Variants in ALDOA observed in about 807,000 individuals in gnomAD.
ALDOA encodes the protein aldolase, fructose-bisphosphate A, also known as fructose-bisphosphate aldolase A.
Under a neutral mutation model 43.9 loss-of-function variants are expected in ALDOA, and 26 were observed. That is an observed-to-expected ratio of 0.59 (90% CI 0.43 to 0.82). ALDOA has a LOEUF of 0.82. Ranked by LOEUF, ALDOA falls within the 40% of genes least tolerant of loss-of-function variation. ALDOA has a pLI of 0.00. For missense variants in ALDOA, 498 were observed against 549.5 expected (o/e 0.91, Z 0.94); for synonymous variants, 258 against 222.6 (o/e 1.16, Z -1.42).
At chr16:30,067,837 T>C in intron 4 of ALDOA, 176 bp downstream of exon 4, 1 of 730,902 alleles carries the variant, frequency 1.4e-6, no homozygotes, top group Non-Finnish European at 2.3e-6. Flanking sequence ...GAGAACAGTA[T>C]CATTCCCACT....
chr16:30,069,997 G>C lies in ALDOA; in HGVS notation c.1129G>C (p.Ala377Pro), dbSNP rs148828956. The C allele has an allele frequency of 6.2e-7, 1 of 1,613,736 alleles. No individual in the cohort carries two copies. The highest frequency in any genetic ancestry group is 8.5e-7 in the Non-Finnish European group (1 of 1,180,012). The change falls in exon 9 of 10, where the codon GCT (alanine) becomes CCT (proline). Residue 377 changes from alanine to proline, a missense_variant. Transcript: ENST00000642816. The stretch of plus-strand genomic sequence containing the variant: ...GGGCGGGAAGAAGGAGAACCTGAAG[G>C]CTGCGCAGGAGGAGTATGTCAAGCG... Reference protein sequence around the residue: ...AWGGKKENLKAAQEEYVKRAL... With the variant: ...AWGGKKENLKPAQEEYVKRAL...
At position 30,069,575 on chromosome 16, in the gene ALDOA, T is replaced by A. The variant is rs1567325349; in HGVS notation, c.863T>A (p.Val288Asp). Residue 288 changes from valine (V) to aspartate (D), a missense_variant, in exon 8 of 10, where the codon GTC (valine) becomes GAC (aspartate). Physicochemically the swap from Val to Asp is radical, Grantham distance 152. Coordinates refer to ENST00000642816, the MANE Select transcript of ALDOA (RefSeq NM_001243177.4). The stretch of plus-strand genomic sequence containing the variant: ...GGCACCTTGCTGAAGCCCAACATGG[T>A]CACCCCAGGCCATGCTTGCACTCAG... ...LEGTLLKPNM[V>D]TPGHACTQKF... 6.2e-7 allele frequency: 1 copy of A among 1,614,114 alleles called. No homozygotes were observed. The highest frequency in any genetic ancestry group is 8.5e-7 in the Non-Finnish European group (1 of 1,180,026).
At chr16:30,068,380 T>C (rs1411415508) in intron 4 of ALDOA, 1 of 501,536 alleles carries the variant, frequency 2.0e-6, no homozygotes, top group African/African-American at 1.9e-5. Flanking sequence ...ACTAAATATT[T>C]TAATTGTAAC....
Position 30,067,297 on chromosome 16 carries a change from G to T in ALDOA, c.205G>T (p.Glu69Ter), listed in dbSNP as rs1441238556. 2 of 1,612,760 alleles carry T rather than the reference G, an allele frequency of 1.2e-6. No homozygotes were observed. Among genetic ancestry groups the T allele is most frequent in the Non-Finnish European group, 1.7e-6 (2 of 1,180,040 alleles). ...AGCACTGACCCCGGAGCAGAAGAAGGAGCTGTCTGACATCGCTCACCGCAT... is the reference window on the plus strand; with the variant it reads ...AGCACTGACCCCGGAGCAGAAGAAGTAGCTGTCTGACATCGCTCACCGCAT... ...YPALTPEQKK[E>*]LSDIAHRIVA... The change falls in exon 3 of 10, where the codon GAG becomes TAG. Residue 69 changes from glutamate (E) to a stop codon, truncating the protein, a stop_gained. Transcript: ENST00000642816. LOFTEE classifies it high-confidence loss of function.
Position 30,069,786 on chromosome 16 carries a change from G to C in ALDOA, c.962-44G>C, listed in dbSNP as rs772200646. 4 of 1,613,222 alleles carry C rather than the reference G, an allele frequency of 2.5e-6. No individual in the cohort carries two copies. In the South Asian group the frequency reaches 4.4e-5, roughly 18 times the overall value. ...TTCCACCAGCTCCTGCCAGCTTCCTGGGTCTCTGACCACAGCCCCTCTCGC... is the reference window on the plus strand; with the variant it reads ...TTCCACCAGCTCCTGCCAGCTTCCTCGGTCTCTGACCACAGCCCCTCTCGC... On this transcript the variant is annotated intron_variant, in intron 8 of 9. Transcript: ENST00000642816.
At position 30,067,248 on chromosome 16, in the gene ALDOA, C is replaced by G. The variant is rs2072146160; in HGVS notation, c.156C>G (p.Thr52=). ...CCTGTATCCAGGAACTTGCTACTAC[C>G]AGCACCATGCCCTACCAATATCCAG... The part of the protein sequence containing the change: ...QTELGKELAT[T]STMPYQYPAL... The change falls in exon 3 of 10, where the codon ACC becomes ACG. Residue 52 remains threonine, a synonymous_variant. Transcript: ENST00000642816. 6.2e-7 allele frequency: 1 copy of G among 1,612,152 alleles called. No individual in the cohort carries two copies. The highest frequency in any genetic ancestry group is 1.7e-5 in the Admixed American group (1 of 60,008).
chr16:30,067,773 G>C, intron 4 of ALDOA, 112 bp downstream of exon 4: 1 of 1,262,802 alleles, frequency 7.9e-7, no homozygotes, highest in South Asian at 1.2e-5. Context: ...CTTGCATGGA[G>C]CCTGCTTCAG....
At chr16:30,069,705 A>G (rs753518435) in intron 8 of ALDOA, 32 bp downstream of exon 8, 113 of 1,612,606 alleles carry the variant, frequency 7.0e-5, no homozygotes, top group Non-Finnish European at 9.1e-5. Flanking sequence ...ATCTCTATGC[A>G]GTAGATAAGC....
chr16:30,065,278 G>A (rs1353355717), upstream of ALDOA, among the ~76,000 whole-genome samples: 3 of 152,244 alleles, frequency 2.0e-5, no homozygotes, highest in Non-Finnish European at 4.4e-5. Context: ...CAGCCCGCGG[G>A]CGAGGCAGGC....
upstream of ALDOA, among the ~76,000 whole-genome samples, chr16:30,065,417 C>G (rs1010290370): frequency 2.6e-5 from 4 of 152,200 alleles, no homozygotes; most frequent in African/African-American, 9.6e-5. Flanking sequence ...TCGTTTCCGA[C>G]TTTTCCATCC....
Position 30,069,644 on chromosome 16 carries a change from T to C in ALDOA, c.932T>C (p.Leu311Pro). 1 of 1,613,822 alleles carries C rather than the reference T, an allele frequency of 6.2e-7. No individual in the cohort carries two copies. Among genetic ancestry groups the C allele is most frequent in the South Asian group, 1.1e-5 (1 of 91,084 alleles). ...EEIAMATVTA[L>P]RRTVPPAVTG... ...ATTGCCATGGCGACCGTCACAGCGCTGCGCCGCACAGTGCCCCCCGCTGTC... is the reference window on the plus strand; with the variant it reads ...ATTGCCATGGCGACCGTCACAGCGCCGCGCCGCACAGTGCCCCCCGCTGTC... The change falls in exon 8 of 10, where the codon CTG becomes CCG. Residue 311 changes from leucine (L) to proline (P), a missense_variant. Physicochemically the swap from Leu to Pro is moderately conservative, Grantham distance 98. Coordinates refer to ENST00000642816, the MANE Select transcript of ALDOA (RefSeq NM_001243177.4).
In ALDOA at chr16:30,069,359, C is replaced by G; in HGVS notation, c.756C>G (p.Asp252Glu). The part of the protein sequence containing the change: ...EPEILPDGDH[D>E]LKRCQYVTEK... ...AGATCCTCCCTGATGGGGACCATGACTTGAAGCGCTGCCAGTATGTGACCG... is the reference window on the plus strand; with the variant it reads ...AGATCCTCCCTGATGGGGACCATGAGTTGAAGCGCTGCCAGTATGTGACCG... The change falls in exon 7 of 10, where the codon GAC becomes GAG. Residue 252 changes from aspartate (D) to glutamate (E), a missense_variant. Transcript: ENST00000642816. 6.2e-7 allele frequency: 1 copy of G among 1,614,192 alleles called. No homozygotes were observed. Among genetic ancestry groups the G allele is most frequent in the Non-Finnish European group, 8.5e-7 (1 of 1,180,026 alleles).
intron 4 of ALDOA, chr16:30,068,164 A>C (rs2072188300): frequency 3.7e-6 from 1 of 272,692 alleles, no homozygotes; most frequent in Non-Finnish European, 7.1e-6. Flanking sequence ...TCCCAGGTTC[A>C]CGCCATTCTC....
chr16:30,068,527 C>G lies in ALDOA; in HGVS notation c.487-119C>G. On this transcript the variant is annotated intron_variant, in intron 4 of 9. Coordinates refer to ENST00000642816, the MANE Select transcript of ALDOA (RefSeq NM_001243177.4). ...CTGAGGCGGGAGGATCACTTGAGTC[C>G]AGGAAGTGGAGGCTTCAGTGAGCTG... 6 of 1,172,442 alleles carry G rather than the reference C, an allele frequency of 5.1e-6. 1 individual carries two copies. The African/African-American group carries it at 7.6e-5, about 15-fold the overall frequency. The allele number at this position is 1,172,442 out of a possible 1,614,324, so 72.6% of individuals were successfully genotyped here.
chr16:30,064,729 C>G (rs1008607951), upstream of ALDOA: 1 of 356,334 alleles, frequency 2.8e-6, no homozygotes, highest in Non-Finnish European at 5.0e-6. Context: ...AGCCCGGGAA[C>G]CCCTAGCTCA....
chr16:30,069,769 G>A (rs2072254049), intron 8 of ALDOA, 61 bp from the exon 9 acceptor site: 1 of 1,612,302 alleles, frequency 6.2e-7, no homozygotes, highest in Middle Eastern at 1.7e-4. Flanking sequence ...ACTTCCACCA[G>A]CTCCTGCCAG....
At chr16:30,064,374 G>A, upstream of ALDOA, 1 of 398,822 alleles carries the variant, frequency 2.5e-6, no homozygotes, top group Non-Finnish European at 4.4e-6. Context: ...CAGGGAGGGT[G>A]GCAGGGAGGC....
At chr16:30,066,174 C>A (rs1003699930) in intron 1 of ALDOA, 1 of 152,366 alleles carries the variant, frequency 6.6e-6, no homozygotes, top group Non-Finnish European at 1.5e-5. Flanking sequence ...TCCCCCTTTT[C>A]TTGCAGGGAC....
chr16:30,068,959 A>T lies in ALDOA; in HGVS notation c.683A>T (p.Tyr228Phe). Residue 228 changes from tyrosine (Y) to phenylalanine (F), a missense_variant, in exon 6 of 10, where the codon TAT (tyrosine) becomes TTT (phenylalanine). Tyr to Phe is a conservative substitution (Grantham distance 22, BLOSUM62 3). Coordinates refer to ENST00000642816, the MANE Select transcript of ALDOA (RefSeq NM_001243177.4). ...IMENANVLAR[Y>F]ASICQQNGIV... ...GAAAATGCCAATGTTCTGGCCCGTT[A>T]TGCCAGTATCTGCCAGCAGGTGGGC... 1 of 1,614,216 alleles carries T rather than the reference A, an allele frequency of 6.2e-7. No individual in the cohort carries two copies. Among genetic ancestry groups the T allele is most frequent in the Non-Finnish European group, 8.5e-7 (1 of 1,180,028 alleles).
Sources: gnomAD v4.1 joint callset for allele counts (sites outside exome capture counted in the v4.1 genomes callset) on GRCh38, gnomAD v4.1.1 for gene constraint, MANE v1.5 for transcripts, NCBI Gene and HGNC (gene_info 2026-07-23, HGNC 2026-07-21) for gene names.